The following FBXO16 variants were observed in gnomAD, a reference collection of about 807,000 sequenced individuals.
FBXO16 encodes the protein F-box only protein 16.
In FBXO16, 31 loss-of-function variants were observed where a neutral mutation model predicts 41.0. That is an observed-to-expected ratio of 0.76 (90% CI 0.57 to 1.02). FBXO16 has a LOEUF of 1.02. Ranked by LOEUF, FBXO16 falls within the 50% of genes least tolerant of loss-of-function variation. FBXO16 has a pLI of 0.00. For synonymous variants in FBXO16, 133 were observed against 117.8 expected, an observed-to-expected ratio of 1.13 and a Z score of -0.84; for missense variants, 361 against 346.2, an observed-to-expected ratio of 1.04 and a Z score of -0.34.
At chr8:28,456,570 C>T in intron 5 of FBXO16, 196 bp downstream of exon 5, 1 of 590,246 alleles carries the variant, frequency 1.7e-6, no homozygotes. Flanking sequence ...TTGGGAGTGG[C>T]AAATGAGGGC....
chr8:28,452,938 C>T (rs76482371), intron 5 of FBXO16, among the ~76,000 whole-genome samples: 493 of 102,938 alleles, frequency 4.8e-3, no homozygotes, highest in Non-Finnish European at 7.6e-3. Flanking sequence ...AAAGGAATAT[C>T]ATCATCATCA....
At chr8:28,448,357 A>AAAAAAAAAAAAAG (rs1401076051) in intron 6 of FBXO16, among the ~76,000 whole-genome samples, 1 of 150,976 alleles carries the variant, frequency 6.6e-6, no homozygotes, top group African/African-American at 2.4e-5. Context: ...AAAAAAAAAA[A>AAAAAAAAAAAAAG]AAAGAAAGAA....
chr8:28,479,788 G>A (rs936032316), intron 2 of FBXO16, among the ~76,000 whole-genome samples: 3 of 151,854 alleles, frequency 2.0e-5, no homozygotes, highest in Non-Finnish European at 2.9e-5. Flanking sequence ...TGGTACAATC[G>A]TGGCTTACCC....
intron 3 of FBXO16, among the ~76,000 whole-genome samples, chr8:28,472,737 CTCCG>C (rs946219325): frequency 2.0e-5 from 3 of 152,084 alleles, no homozygotes; most frequent in African/African-American, 7.2e-5. Flanking sequence ...AAGAGCAAAA[CTCCG>C]TCTCAAAAAA....
Position 28,488,093 on chromosome 8 carries a change from C to T in FBXO16, c.-17+2093G>A, listed in dbSNP as rs1803631447. On this transcript the variant is annotated intron_variant, in intron 1 of 8. Coordinates refer to ENST00000380254, the MANE Select transcript of FBXO16 (RefSeq NM_172366.4). ...GTCTCAAACTCCTGACCTCGTGATC[C>T]ACCCACTTCGGCCTCCCAAAGTGCT... 2.0e-5 allele frequency among the ~76,000 whole-genome samples: 3 copies of T among 151,598 alleles called. No individual in the cohort carries two copies. The South Asian group carries it at 6.3e-4, about 32-fold the overall frequency.
Position 28,463,621 on chromosome 8 carries a change from A to G in FBXO16, c.333T>C (p.Arg111=), listed in dbSNP as rs1180157449. The change falls in exon 4 of 9, where the codon CGT becomes CGC. Residue 111 remains arginine, a synonymous_variant. Transcript: ENST00000380254. ...FSFLDPRSLC[R]CAQVCWHWKN... ...CCTTCCTTGCCTTTACCTGTGCACAACGACAAAGGCTCCGAGGGTCCAGGA... is the reference window on the plus strand; with the variant it reads ...CCTTCCTTGCCTTTACCTGTGCACAGCGACAAAGGCTCCGAGGGTCCAGGA... 6.2e-7 allele frequency: 1 copy of G among 1,613,970 alleles called. No homozygotes were observed. The highest frequency in any genetic ancestry group is 1.7e-5 in the Admixed American group (1 of 60,002).
At chr8:28,474,260 G>A (rs1307914852) in intron 2 of FBXO16, among the ~76,000 whole-genome samples, 2 of 134,312 alleles carry the variant, frequency 1.5e-5, no homozygotes, top group African/African-American at 2.8e-5. Flanking sequence ...TGAGGCTGCA[G>A]TGAGCTATGA....
intron 7 of FBXO16, among the ~76,000 whole-genome samples, chr8:28,430,923 A>C (rs1802596058): frequency 6.6e-6 from 1 of 152,140 alleles, no homozygotes; most frequent in Non-Finnish European, 1.5e-5. Flanking sequence ...AGTGAGCAAG[A>C]CCGCGCCATT....
At position 28,462,382 on chromosome 8, in the gene FBXO16, C is replaced by T. The variant is rs1484571584; in HGVS notation, c.342+1230G>A. Among the ~76,000 whole-genome samples, 3 of 151,542 alleles carry T rather than the reference C, an allele frequency of 2.0e-5. No homozygotes were observed. In the East Asian group the frequency reaches 5.8e-4, roughly 29 times the overall value. On this transcript the variant is annotated intron_variant, in intron 4 of 8. Coordinates refer to ENST00000380254, the MANE Select transcript of FBXO16 (RefSeq NM_172366.4). ...CAAGCTCTGCCTCCCAGGTTCACGC[C>T]ATTCTCCTGCCTCAGCCTCCCGAGT...
At chr8:28,474,233 G>A (rs748650527) in intron 2 of FBXO16, among the ~76,000 whole-genome samples, 11 of 146,808 alleles carry the variant, frequency 7.5e-5, no homozygotes, top group Non-Finnish European at 1.0e-4. Context: ...TGGGAGGATC[G>A]CTTGAGCCCG....
intron 4 of FBXO16, among the ~76,000 whole-genome samples, chr8:28,457,698 C>T (rs971946867): frequency 6.6e-6 from 1 of 152,182 alleles, no homozygotes; most frequent in Admixed American, 6.5e-5. Context: ...ATGGGAGCAT[C>T]AATTCAAGAA....
chr8:28,476,398 T>C (rs141856569), intron 2 of FBXO16, among the ~76,000 whole-genome samples: 1,593 of 152,338 alleles, frequency 0.01, 26 homozygotes, highest in African/African-American at 0.037. Flanking sequence ...GACTCTACCC[T>C]TGACAAGACA....
intron 5 of FBXO16, among the ~76,000 whole-genome samples, chr8:28,454,354 T>C (rs960913159): frequency 4.6e-5 from 7 of 151,796 alleles, no homozygotes; most frequent in African/African-American, 1.7e-4. Context: ...TTAATACTGC[T>C]GGGAATAAAT....
rs150825770 is a variant in FBXO16 at position 28,470,883 on chromosome 8, T to G, written c.135+2889A>C. Among the ~76,000 whole-genome samples the G allele has an allele frequency of 2.7e-3, 404 of 152,354 alleles. 3 individuals are homozygous for G. Among genetic ancestry groups the G allele is most frequent in the African/African-American group, 9.5e-3 (396 of 41,584 alleles). ...TGCAAAACAGTTTTCCTTGTTTCTC[T>G]TTTGAATTCTAACTCTGATTATGGT... is the stretch of plus-strand genomic sequence containing the variant. On this transcript the variant is annotated intron_variant, in intron 3 of 8. Transcript: ENST00000380254.
intron 2 of FBXO16, among the ~76,000 whole-genome samples, chr8:28,478,294 G>A (rs1803454483): frequency 6.6e-6 from 1 of 152,114 alleles, no homozygotes; most frequent in African/African-American, 2.4e-5. Context: ...TTCCCCTCCA[G>A]AACTGAAGGA....
At chr8:28,463,444 G>T (rs1261847232) in intron 4 of FBXO16, among the ~76,000 whole-genome samples, 168 bp downstream of exon 4, 1 of 151,876 alleles carries the variant, frequency 6.6e-6, no homozygotes, top group Non-Finnish European at 1.5e-5. Flanking sequence ...GTGTATGTGT[G>T]TGTTTATGAG....
In FBXO16 at chr8:28,448,350, A is replaced by G. The variant is rs1802899386; in HGVS notation, c.741-1077T>C. Among the ~76,000 whole-genome samples the G allele has an allele frequency of 2.0e-5, 3 of 151,560 alleles. No individual in the cohort carries two copies. In the South Asian group the frequency reaches 6.2e-4, roughly 31 times the overall value. On this transcript the variant is annotated intron_variant, in intron 6 of 8. Transcript: ENST00000380254. ...AGTGAGACCCTAAATCAAAAAAAAAAAAAAAAAAAAGAAAGAAAGAAAGAA... is the reference window on the plus strand; with the variant it reads ...AGTGAGACCCTAAATCAAAAAAAAAGAAAAAAAAAAGAAAGAAAGAAAGAA...
intron 7 of FBXO16, among the ~76,000 whole-genome samples, chr8:28,430,928 G>A (rs772607618): frequency 6.6e-5 from 10 of 152,000 alleles, no homozygotes; most frequent in Non-Finnish European, 1.2e-4. Context: ...GCAAGACCGC[G>A]CCATTGCACT....
In FBXO16 at chr8:28,447,246, T is replaced by TG. The variant is rs1802878799; in HGVS notation, c.767dup (p.Asp257ArgfsTer8). The TG allele has an allele frequency of 1.2e-6, 2 of 1,613,470 alleles. No individual in the cohort carries two copies. The highest frequency in any genetic ancestry group is 1.7e-6 in the Non-Finnish European group (2 of 1,179,968). On this transcript the variant is annotated frameshift_variant, in exon 7 of 9. Coordinates refer to ENST00000380254, the MANE Select transcript of FBXO16 (RefSeq NM_172366.4). LOFTEE classifies it high-confidence loss of function. ...TATCATGTGACTGTCGGCTGAAGTC[T>TG]GGGGTCATTTGGTTTCTTTTTCTTC...
Sources: gnomAD v4.1 joint callset for allele counts (sites outside exome capture counted in the v4.1 genomes callset) on GRCh38, gnomAD v4.1.1 for gene constraint, MANE v1.5 for transcripts, NCBI Gene and HGNC (gene_info 2026-07-23, HGNC 2026-07-21) for gene names.